The following CDH20 variants were observed in gnomAD, a reference collection of about 807,000 sequenced individuals.
The protein encoded by CDH20 is cadherin 20.
A neutral mutation model predicts 74.2 loss-of-function variants in CDH20; 29 were observed. The ratio of observed to expected loss-of-function variants is 0.39; its 90% CI spans 0.29 to 0.53. The LOEUF (loss-of-function observed/expected upper bound fraction) is 0.53. Ranked by LOEUF, CDH20 falls within the 20% of genes least tolerant of loss-of-function variation. CDH20 has a pLI of 0.69. For missense variants in CDH20, 988 were observed against 1,048.3 expected (o/e 0.94, Z 0.79); for synonymous variants, 469 against 405.4 (o/e 1.16, Z -1.88).
intron 1 of CDH20, among the ~76,000 whole-genome samples, chr18:61,363,662 T>C (rs985538344): frequency 6.6e-6 from 1 of 152,208 alleles, no homozygotes; most frequent in Non-Finnish European, 1.5e-5. Flanking sequence ...GTTCTGGACT[T>C]GTGCTACATG....
intron 1 of CDH20, among the ~76,000 whole-genome samples, chr18:61,470,318 C>A (rs1429893102): frequency 1.3e-5 from 2 of 152,150 alleles, no homozygotes; most frequent in African/African-American, 2.4e-5. Flanking sequence ...ATTTCTACGC[C>A]GTATTGTTAA....
chr18:61,357,476 C>A (rs1910532227), intron 1 of CDH20, among the ~76,000 whole-genome samples: 1 of 152,084 alleles, frequency 6.6e-6, no homozygotes, highest in African/African-American at 2.4e-5. Context: ...CATTAAGGGG[C>A]CAAATTCTAT....
chr18:61,551,638 G>A (rs1293901294), intron 11 of CDH20, among the ~76,000 whole-genome samples: 1 of 152,136 alleles, frequency 6.6e-6, no homozygotes, highest in African/African-American at 2.4e-5. Context: ...AAATTGTTAC[G>A]GTTTCTGGTC....
intron 1 of CDH20, among the ~76,000 whole-genome samples, chr18:61,452,791 C>G (rs1465842600): frequency 6.6e-6 from 1 of 152,092 alleles, no homozygotes; most frequent in Admixed American, 6.6e-5. Context: ...CTTCACAGTT[C>G]CTTAATTAAG....
chr18:61,529,900 G>A (rs532268251), intron 7 of CDH20, among the ~76,000 whole-genome samples: 3 of 152,282 alleles, frequency 2.0e-5, no homozygotes, highest in Admixed American at 1.3e-4. Flanking sequence ...TAGCATCAGG[G>A]AGGTTCATAT....
rs543634722 is a variant in CDH20, at chr18:61,396,372, T to A, written c.-153+62545T>A. ...AATTTACTAAAAATTAACAATTTTT[T>A]AAAACCTCTGTGGGTACCTTCACCT... On this transcript the variant is annotated intron_variant, in intron 1 of 11. Transcript: ENST00000262717. 3.3e-5 allele frequency among the ~76,000 whole-genome samples: 5 copies of A among 152,318 alleles called. No homozygotes were observed. In the South Asian group the frequency reaches 1.0e-3, roughly 32 times the overall value.
chr18:61,469,043 A>T (rs1355623138), intron 1 of CDH20, among the ~76,000 whole-genome samples: 2 of 152,120 alleles, frequency 1.3e-5, no homozygotes, highest in Admixed American at 1.3e-4. Flanking sequence ...CCACATTTGG[A>T]GCTTTATATG....
chr18:61,387,464 C>T (rs958665188), intron 1 of CDH20, among the ~76,000 whole-genome samples: 1 of 152,194 alleles, frequency 6.6e-6, no homozygotes, highest in African/African-American at 2.4e-5. Context: ...AGCATGTATT[C>T]ACCATTTGGG....
Position 61,499,434 on chromosome 18 carries a change from C to T in CDH20, c.495C>T (p.Phe165=). The part of the protein sequence containing the change: ...IQDINDNEPK[F]LDGPYVATVP... ...ACATCAATGACAATGAGCCCAAGTT[C>T]CTGGACGGACCTTATGTGGCCACTG... Residue 165 remains phenylalanine, a synonymous_variant, in exon 3 of 12, where the codon TTC becomes TTT. Transcript: ENST00000262717. The T allele has an allele frequency of 6.2e-7, 1 of 1,613,280 alleles. No individual in the cohort carries two copies. The highest frequency in any genetic ancestry group is 8.5e-7 in the Non-Finnish European group (1 of 1,179,618).
chr18:61,506,986 G>A (rs1254722554), intron 5 of CDH20, among the ~76,000 whole-genome samples: 9 of 152,154 alleles, frequency 5.9e-5, no homozygotes, highest in East Asian at 1.9e-4. Flanking sequence ...GAATAAATAC[G>A]CACTTTGTGA....
rs756109613 is a variant in CDH20, at chr18:61,549,966, T to A, written c.1649-12T>A. ...TTCCCTTTTCCAATCCTGGAACCCC[T>A]CCTTCTTTCAGATAACACAGCACGG... On this transcript the variant is annotated splice_polypyrimidine_tract_variant and intron_variant, in intron 10 of 11. Coordinates refer to ENST00000262717, the MANE Select transcript of CDH20 (RefSeq NM_031891.4). The A allele has an allele frequency of 1.2e-6, 2 of 1,604,954 alleles. No individual in the cohort carries two copies. The highest frequency in any genetic ancestry group is 4.5e-5 in the East Asian group (2 of 44,608).
At chr18:61,538,956 C>G in intron 8 of CDH20, 68 bp from the exon 9 acceptor site, 1 of 1,501,398 alleles carries the variant, frequency 6.7e-7, no homozygotes, top group Non-Finnish European at 8.9e-7. Flanking sequence ...CTAGCAAAAA[C>G]CATTACTCTT....
At chr18:61,406,129 TA>T (rs547044736) in intron 1 of CDH20, among the ~76,000 whole-genome samples, 11 of 150,544 alleles carry the variant, frequency 7.3e-5, no homozygotes, top group Admixed American at 1.3e-4. Context: ...TGAGTGGGTT[TA>T]AAAAAAAAAT....
chr18:61,425,666 G>A (rs1211646163), intron 1 of CDH20, among the ~76,000 whole-genome samples: 2 of 152,156 alleles, frequency 1.3e-5, no homozygotes, highest in South Asian at 2.1e-4. Flanking sequence ...AGGATGAAAA[G>A]CATAAGAATT....
At chr18:61,426,656 A>G (rs1913080752) in intron 1 of CDH20, among the ~76,000 whole-genome samples, 1 of 152,206 alleles carries the variant, frequency 6.6e-6, no homozygotes. Flanking sequence ...ACAGGTCAGT[A>G]TTGCTTGTCC....
At chr18:61,446,084 G>A (rs1265013807) in intron 1 of CDH20, among the ~76,000 whole-genome samples, 1 of 152,140 alleles carries the variant, frequency 6.6e-6, no homozygotes, top group Non-Finnish European at 1.5e-5. Flanking sequence ...CCTAGCCTCA[G>A]AACCCACACA....
At chr18:61,531,599 T>C (rs944537606) in intron 7 of CDH20, among the ~76,000 whole-genome samples, 1 of 152,204 alleles carries the variant, frequency 6.6e-6, no homozygotes, top group Non-Finnish European at 1.5e-5. Context: ...GAAGCATGTG[T>C]TTTTCTTTAT....
At chr18:61,378,497 A>G (rs1911323234) in intron 1 of CDH20, among the ~76,000 whole-genome samples, 1 of 152,208 alleles carries the variant, frequency 6.6e-6, no homozygotes, top group Non-Finnish European at 1.5e-5. Flanking sequence ...CGCGTTGGAC[A>G]GAGCAAGCTG....
intron 7 of CDH20, among the ~76,000 whole-genome samples, chr18:61,536,275 T>G (rs1912814538): frequency 2.0e-5 from 3 of 152,202 alleles, no homozygotes; most frequent in Admixed American, 2.0e-4. Context: ...TATTTCATTT[T>G]TTGAATGAGA....
Sources: allele counts gnomAD v4.1 joint callset (sites outside exome capture counted in the v4.1 genomes callset), GRCh38; gene constraint gnomAD v4.1.1; transcripts MANE v1.5; gene names NCBI Gene and HGNC (gene_info 2026-07-23, HGNC 2026-07-21).